The following DLC1 variants were observed in gnomAD, a reference collection of about 807,000 sequenced individuals.
The protein encoded by DLC1 is rho GTPase-activating protein 7.
Under a neutral mutation model 140.3 loss-of-function variants are expected in DLC1, and 54 were observed. That is an observed-to-expected ratio of 0.38 (90% confidence interval 0.31 to 0.48). The LOEUF is 0.48. DLC1 is among the 20% of genes least tolerant of loss of function. The pLI, the probability that DLC1 is intolerant of heterozygous loss-of-function variation, is 0.96. For missense variants in DLC1, 2,536 were observed against 1,907.0 expected (o/e 1.33, Z -6.14); for synonymous variants, 986 against 728.1 (o/e 1.35, Z -5.70).
intron 5 of DLC1, among the ~76,000 whole-genome samples, chr8:13,199,635 A>G (rs1211749743): frequency 6.6e-6 from 1 of 152,186 alleles, no homozygotes; most frequent in African/African-American, 2.4e-5. Flanking sequence ...TTCTTATATA[A>G]AATAGTTCCT....
chr8:13,358,827 GT>G (rs1398123354), intron 4 of DLC1, among the ~76,000 whole-genome samples: 1 of 152,192 alleles, frequency 6.6e-6, no homozygotes, highest in East Asian at 1.9e-4. Context: ...CAGTGACAAA[GT>G]TATTAAAAAT....
chr8:13,291,752 C>T (rs796994105), intron 5 of DLC1, among the ~76,000 whole-genome samples: 2 of 152,196 alleles, frequency 1.3e-5, no homozygotes, highest in African/African-American at 4.8e-5. Context: ...AGAAACCAAA[C>T]CAACCAAACC....
chr8:13,243,824 G>C lies in DLC1; in HGVS notation c.1348+61445C>G, dbSNP rs902906912. ...GCTCTCTGTCTTTCCATGTATTCTT[G>C]GACAATCTCATTCTCTTCCTATTTG... is the stretch of plus-strand genomic sequence containing the variant. On this transcript the variant is annotated intron_variant, in intron 5 of 17. Coordinates refer to ENST00000276297, the MANE Select transcript of DLC1 (RefSeq NM_182643.3). Among the ~76,000 whole-genome samples the C allele has an allele frequency of 2.6e-5, 4 of 152,150 alleles. No homozygotes were observed. The South Asian group carries it at 8.3e-4, about 32-fold the overall frequency.
At chr8:13,105,336 T>C (rs904054854) in intron 7 of DLC1, among the ~76,000 whole-genome samples, 3 of 152,128 alleles carry the variant, frequency 2.0e-5, no homozygotes, top group Admixed American at 1.3e-4. Context: ...CTTATTTCCT[T>C]ACAGAGACAG....
chr8:13,086,496 G>A, intron 16 of DLC1, 33 bp from the exon 17 acceptor site: 1 of 1,600,576 alleles, frequency 6.2e-7, no homozygotes, highest in Non-Finnish European at 8.5e-7. Flanking sequence ...AGAAATGATG[G>A]AATTTCATAG....
chr8:13,089,934 G>A (rs868341036), intron 15 of DLC1, among the ~76,000 whole-genome samples: 4 of 152,348 alleles, frequency 2.6e-5, no homozygotes, highest in Non-Finnish European at 5.9e-5. Context: ...AAATCGAAGC[G>A]TGTCATAGGA....
chr8:13,192,555 C>T (rs529948676), intron 5 of DLC1, among the ~76,000 whole-genome samples: 4 of 152,164 alleles, frequency 2.6e-5, no homozygotes, highest in African/African-American at 9.7e-5. Flanking sequence ...ACACTCACAG[C>T]AACCCATCTA....
At chr8:13,347,418 C>T (rs764311399) in intron 4 of DLC1, among the ~76,000 whole-genome samples, 18 of 152,234 alleles carry the variant, frequency 1.2e-4, no homozygotes, top group Non-Finnish European at 2.2e-4. Flanking sequence ...TGCTGGAGGA[C>T]GGGAGCAGCA....
chr8:13,215,911 C>A (rs907829296), intron 5 of DLC1, among the ~76,000 whole-genome samples: 5 of 152,134 alleles, frequency 3.3e-5, no homozygotes, highest in Non-Finnish European at 5.9e-5. Context: ...CCCAGTGTGC[C>A]CTGCTGGGAG....
At chr8:13,162,469 C>G (rs1333242442) in intron 5 of DLC1, among the ~76,000 whole-genome samples, 1 of 152,124 alleles carries the variant, frequency 6.6e-6, no homozygotes, top group African/African-American at 2.4e-5. Flanking sequence ...ATTACAGGTG[C>G]CTGCCACCAA....
At chr8:13,274,072 G>A (rs1422158294) in intron 5 of DLC1, among the ~76,000 whole-genome samples, 1 of 152,144 alleles carries the variant, frequency 6.6e-6, no homozygotes, top group Non-Finnish European at 1.5e-5. Flanking sequence ...AAGGCAAGGT[G>A]GTAGGACATA....
intron 1 of DLC1, among the ~76,000 whole-genome samples, chr8:13,570,052 A>C (rs17116079): frequency 0.14 from 21,206 of 152,174 alleles, 1,693 homozygotes; most frequent in East Asian, 0.25. Context: ...CTAACACACA[A>C]ATCTGTTCAA....
chr8:13,312,376 A>T (rs1052746745), intron 4 of DLC1, among the ~76,000 whole-genome samples: 1 of 116,132 alleles, frequency 8.6e-6, no homozygotes, highest in East Asian at 2.1e-4. Context: ...AAAAAAAAAA[A>T]AAAAAAAAAA....
intron 1 of DLC1, among the ~76,000 whole-genome samples, chr8:13,560,515 A>C (rs1804204713): frequency 6.6e-6 from 1 of 152,148 alleles, no homozygotes; most frequent in Admixed American, 6.5e-5. Context: ...CACTTAGAAA[A>C]TCACCAGCAG....
At chr8:13,538,811 T>C (rs1183839288) in intron 1 of DLC1, among the ~76,000 whole-genome samples, 4 of 152,208 alleles carry the variant, frequency 2.6e-5, no homozygotes, top group Non-Finnish European at 5.9e-5. Context: ...ATAACCTCAC[T>C]GTATGTGAGC....
chr8:13,297,457 T>C (rs911753014), intron 5 of DLC1, among the ~76,000 whole-genome samples: 10 of 152,066 alleles, frequency 6.6e-5, no homozygotes, highest in Admixed American at 3.3e-4. Context: ...TGGGGGTCTT[T>C]GCTGTTACAA....
At chr8:13,561,424 C>A (rs1020066157) in intron 1 of DLC1, among the ~76,000 whole-genome samples, 1 of 152,162 alleles carries the variant, frequency 6.6e-6, no homozygotes, top group African/African-American at 2.4e-5. Flanking sequence ...AAAGATCCTC[C>A]TGCTTCATCC....
intron 2 of DLC1, among the ~76,000 whole-genome samples, chr8:13,485,059 C>T (rs1280545980): frequency 1.3e-5 from 2 of 152,130 alleles, no homozygotes; most frequent in East Asian, 3.9e-4. Flanking sequence ...CAATAAAAAT[C>T]CCTAGACAAG....
intron 4 of DLC1, among the ~76,000 whole-genome samples, chr8:13,354,192 A>T (rs1834815072): frequency 6.6e-6 from 1 of 152,046 alleles, no homozygotes; most frequent in African/African-American, 2.4e-5. Flanking sequence ...ACATATGCCA[A>T]CCTTTTTCCA....
Sources: gnomAD v4.1 joint callset for allele counts (sites outside exome capture counted in the v4.1 genomes callset) on GRCh38, gnomAD v4.1.1 for gene constraint, MANE v1.5 for transcripts, NCBI Gene and HGNC (gene_info 2026-07-23, HGNC 2026-07-21) for gene names.